Variants in RSRC1 observed in about 807,000 individuals in gnomAD.
RSRC1 encodes the protein serine/Arginine-related protein 53.
RSRC1 carries 39 observed loss-of-function variants against 49.1 expected under a neutral mutation model. That is an observed-to-expected ratio of 0.79 (90% CI 0.61 to 1.04). The LOEUF is 1.04. Among genes scored for constraint, RSRC1 ranks in the 50% least tolerant of loss-of-function variants. RSRC1 has a pLI of 0.00. For synonymous variants in RSRC1, 143 were observed against 130.8 expected (o/e 1.09, Z -0.63); for missense variants, 388 against 402.4 (o/e 0.96, Z 0.31).
intron 7 of RSRC1, among the ~76,000 whole-genome samples, chr3:158,515,852 T>C (rs1266513407): frequency 6.6e-6 from 1 of 152,310 alleles, no homozygotes; most frequent in East Asian, 1.9e-4. Flanking sequence ...ATTCATTTCA[T>C]CTTCCATCGC....
intron 7 of RSRC1, among the ~76,000 whole-genome samples, chr3:158,523,226 T>C (rs567399991): frequency 9.2e-5 from 14 of 152,222 alleles, no homozygotes; most frequent in African/African-American, 3.1e-4. Context: ...TTAAATCTTA[T>C]TATATATAAT....
intron 4 of RSRC1, among the ~76,000 whole-genome samples, chr3:158,279,888 G>A (rs1223604187): frequency 1.3e-5 from 2 of 152,186 alleles, no homozygotes. Flanking sequence ...GGTAGCTTAT[G>A]TAATCAGTGG....
intron 5 of RSRC1, among the ~76,000 whole-genome samples, chr3:158,339,264 A>G (rs1169350299): frequency 1.4e-5 from 2 of 143,582 alleles, no homozygotes; most frequent in African/African-American, 5.2e-5. Context: ...TGCAGTCCGC[A>G]GTCCGGCCTG....
rs10692835 is a variant in RSRC1, at chr3:158,315,031, C to CAAAA, written c.531+16967_531+16970dup. Among the ~76,000 whole-genome samples the CAAAA allele has an allele frequency of 6.1e-5, 9 of 146,446 alleles. No individual in the cohort carries two copies. In the East Asian group the frequency reaches 7.9e-4, roughly 13 times the overall value. On this transcript the variant is annotated intron_variant, in intron 5 of 9. Coordinates refer to ENST00000611884, the MANE Select transcript of RSRC1 (RefSeq NM_001271838.2). ...TGGGCAACAGAGTGAGACTTTGTCT[C>CAAAA]AAAAAAAAAAAAAATTATGTTTGCT...
chr3:158,293,237 A>G, intron 4 of RSRC1, among the ~76,000 whole-genome samples: 2 of 152,212 alleles, frequency 1.3e-5, no homozygotes, highest in Admixed American at 1.3e-4. Flanking sequence ...TGACTCTCAT[A>G]TATGTATATA....
At chr3:158,273,605 A>G (rs887996058) in intron 4 of RSRC1, among the ~76,000 whole-genome samples, 1 of 152,148 alleles carries the variant, frequency 6.6e-6, no homozygotes, top group African/African-American at 2.4e-5. Flanking sequence ...GCCATTCAGA[A>G]CATGTATTAT....
chr3:158,118,240 G>A (rs936540201), intron 1 of RSRC1, among the ~76,000 whole-genome samples: 5 of 152,074 alleles, frequency 3.3e-5, no homozygotes, highest in South Asian at 2.1e-4. Flanking sequence ...GTGAGCCACC[G>A]TGCCTGGCCT....
chr3:158,503,926 C>A (rs1739730063), intron 7 of RSRC1, among the ~76,000 whole-genome samples: 1 of 152,170 alleles, frequency 6.6e-6, no homozygotes, highest in South Asian at 2.1e-4. Flanking sequence ...TTACACAGTT[C>A]AGCTGGAAAT....
intron 4 of RSRC1, among the ~76,000 whole-genome samples, chr3:158,237,370 T>A: frequency 6.6e-6 from 1 of 152,206 alleles, no homozygotes; most frequent in Middle Eastern, 3.4e-3. Context: ...GTGGAATGGG[T>A]GGGTTTGATA....
At chr3:158,323,905 A>G (rs973417835) in intron 5 of RSRC1, among the ~76,000 whole-genome samples, 2 of 151,956 alleles carry the variant, frequency 1.3e-5, no homozygotes, top group Admixed American at 6.6e-5. Context: ...GTTCCTTCAC[A>G]TCTTTATTCT....
chr3:158,425,404 T>A (rs1377715352), intron 6 of RSRC1, among the ~76,000 whole-genome samples: 3 of 152,150 alleles, frequency 2.0e-5, no homozygotes, highest in Non-Finnish European at 4.4e-5. Context: ...GTGAGTTTCG[T>A]AATCCTGAGT....
intron 7 of RSRC1, among the ~76,000 whole-genome samples, chr3:158,485,365 T>C (rs1738776437): frequency 6.6e-6 from 1 of 152,066 alleles, no homozygotes; most frequent in African/African-American, 2.4e-5. Context: ...AAATATTTTA[T>C]TATATACACA....
intron 5 of RSRC1, among the ~76,000 whole-genome samples, chr3:158,299,073 A>C (rs1355031132): frequency 2.0e-5 from 3 of 152,122 alleles, no homozygotes; most frequent in East Asian, 1.9e-4. Flanking sequence ...AAAAAGGAGG[A>C]TATAATAGAA....
chr3:158,203,601 T>G (rs959641641), intron 4 of RSRC1, among the ~76,000 whole-genome samples: 5 of 152,184 alleles, frequency 3.3e-5, no homozygotes, highest in African/African-American at 9.6e-5. Flanking sequence ...ACTTAAAATT[T>G]GTAGACTACT....
At chr3:158,205,377 T>C (rs1721290356) in intron 4 of RSRC1, among the ~76,000 whole-genome samples, 1 of 152,158 alleles carries the variant, frequency 6.6e-6, no homozygotes. Context: ...TTGTTAAATA[T>C]TTAATATTTA....
At chr3:158,376,788 G>T (rs920809070) in intron 6 of RSRC1, among the ~76,000 whole-genome samples, 1 of 151,992 alleles carries the variant, frequency 6.6e-6, no homozygotes, top group African/African-American at 2.4e-5. Flanking sequence ...AATACAATCA[G>T]CACCTATTAT....
intron 4 of RSRC1, among the ~76,000 whole-genome samples, chr3:158,211,447 G>A (rs1258496189): frequency 6.6e-6 from 1 of 151,910 alleles, no homozygotes; most frequent in African/African-American, 2.4e-5. Context: ...CAAAAATCTA[G>A]CCATGAATAA....
intron 5 of RSRC1, among the ~76,000 whole-genome samples, chr3:158,320,868 A>G (rs995062934): frequency 1.3e-5 from 2 of 152,162 alleles, no homozygotes; most frequent in African/African-American, 4.8e-5. Flanking sequence ...TAAATTAGTT[A>G]ATTATCATAT....
intron 6 of RSRC1, among the ~76,000 whole-genome samples, chr3:158,372,733 T>C (rs1732149629): frequency 6.6e-6 from 1 of 151,984 alleles, no homozygotes; most frequent in African/African-American, 2.4e-5. Context: ...TTTTTAATTT[T>C]AAATTCAACT....
Sources: gnomAD v4.1 joint callset for allele counts (sites outside exome capture counted in the v4.1 genomes callset) on GRCh38, gnomAD v4.1.1 for gene constraint, MANE v1.5 for transcripts, NCBI Gene and HGNC (gene_info 2026-07-23, HGNC 2026-07-21) for gene names.